Variants in CNTLN observed in about 807,000 individuals in gnomAD.
The protein encoded by CNTLN is centlein.
CNTLN carries 212 observed loss-of-function variants against 180.0 expected under a neutral mutation model. The observed-to-expected ratio is 1.18, with a 90% CI of 1.05 to 1.32. The LOEUF (loss-of-function observed/expected upper bound fraction) is 1.32, where lower values mean the gene tolerates loss of function less well. Among genes scored for constraint, CNTLN ranks in the 40% most tolerant of loss-of-function variants. The pLI is 0.00. For missense variants in CNTLN, 2,095 were observed against 1,610.9 expected (o/e 1.30, Z -5.14); for synonymous variants, 722 against 563.1 (o/e 1.28, Z -3.99).
At position 17,135,041 on chromosome 9, in the gene CNTLN, A is replaced by G. The variant is rs554253415; in HGVS notation, c.-25A>G. 1.3e-6 allele frequency: 2 copies of G among 1,584,288 alleles called. No individual in the cohort carries two copies. Among genetic ancestry groups the G allele is most frequent in the African/African-American group, 1.3e-5 (1 of 74,726 alleles). On this transcript the variant is annotated 5_prime_UTR_variant, in exon 1 of 26. Transcript: ENST00000380647. ...AGGGAGGTGGAGTTTCCAACAGGGAACTTGACCCGTTAGCAGCCGCAGCCA... is the reference window on the plus strand; with the variant it reads ...AGGGAGGTGGAGTTTCCAACAGGGAGCTTGACCCGTTAGCAGCCGCAGCCA...
chr9:17,203,617 C>T (rs200968598), intron 2 of CNTLN, among the ~76,000 whole-genome samples: 6 of 152,024 alleles, frequency 3.9e-5, no homozygotes, highest in Non-Finnish European at 8.8e-5. Context: ...AGTGCAGTGG[C>T]GCGATCTCGG....
the CNTLN span, among the ~76,000 whole-genome samples, chr9:17,518,036 C>T: frequency 1.0e-4 from 7 of 69,238 alleles, no homozygotes; most frequent in East Asian, 4.9e-4. Flanking sequence ...TTTTCTTTTC[C>T]TTTTTTTTTT....
rs148997122 is a variant in CNTLN, at chr9:17,393,633, C to G, written c.2080-901C>G. Reference sequence around the variant, plus strand: ...ATAATTGTTGGTTCTACATACCTCACGTTTTGAGATGGTCAGAAGAGATCA... The same window carrying G: ...ATAATTGTTGGTTCTACATACCTCAGGTTTTGAGATGGTCAGAAGAGATCA... On this transcript the variant is annotated intron_variant, in intron 14 of 25. Transcript: ENST00000380647. Among the ~76,000 whole-genome samples the G allele has an allele frequency of 1.6e-3, 238 of 152,236 alleles. 1 individual carries two copies. Among genetic ancestry groups the G allele is most frequent in the African/African-American group, 5.4e-3 (223 of 41,532 alleles).
intron 18 of CNTLN, among the ~76,000 whole-genome samples, chr9:17,429,824 A>G (rs983070687): frequency 4.6e-5 from 7 of 151,968 alleles, no homozygotes; most frequent in Admixed American, 1.3e-4. Flanking sequence ...CCTTTTAAGT[A>G]TAGTAGAATT....
chr9:17,483,602 T>C (rs988442228), intron 23 of CNTLN, among the ~76,000 whole-genome samples: 8 of 152,200 alleles, frequency 5.3e-5, no homozygotes, highest in Admixed American at 3.9e-4. Flanking sequence ...AAGCACTCTG[T>C]CCAACCAAAT....
chr9:17,340,001 TA>T (rs954716436), intron 10 of CNTLN, among the ~76,000 whole-genome samples: 1 of 151,610 alleles, frequency 6.6e-6, no homozygotes, highest in Non-Finnish European at 1.5e-5. Context: ...AAAAATAAAA[TA>T]AAAAATTGGC....
chr9:17,202,646 GTTTTTTTTTTTTT>G (rs57960408), intron 2 of CNTLN, among the ~76,000 whole-genome samples: 2 of 71,486 alleles, frequency 2.8e-5, no homozygotes, highest in African/African-American at 5.3e-5. Context: ...TGCAACCTCT[GTTTTTTTTTTTTT>G]TTTTTTTTTT....
At chr9:17,511,823 G>A in the CNTLN span, among the ~76,000 whole-genome samples, 1 of 152,126 alleles carries the variant, frequency 6.6e-6, no homozygotes, top group South Asian at 2.1e-4. Flanking sequence ...GGCTACTGGG[G>A]AAATTGCCTT....
At chr9:17,281,703 T>G (rs1216687942) in intron 6 of CNTLN, among the ~76,000 whole-genome samples, 1 of 152,190 alleles carries the variant, frequency 6.6e-6, no homozygotes, top group Non-Finnish European at 1.5e-5. Context: ...GCATTTGGGT[T>G]GATTCAATGT....
chr9:17,135,079 C>T lies in CNTLN; in HGVS notation c.14C>T (p.Ser5Leu). ...GCAGCCGCAGCCATGGCGGCGCGTT[C>T]GCCTCCCTCACCGCACCCTTCGCCC... is the stretch of plus-strand genomic sequence containing the variant. MAAR[S>L]PPSPHPSPPA... The change falls in exon 1 of 26, where the codon TCG becomes TTG. Residue 5 changes from serine to leucine, a missense_variant. Physicochemically the swap from Ser to Leu is moderately radical, Grantham distance 145 (BLOSUM62 -2). Transcript: ENST00000380647. 1 of 1,598,856 alleles carries T rather than the reference C, an allele frequency of 6.3e-7. No homozygotes were observed. Among genetic ancestry groups the T allele is most frequent in the Non-Finnish European group, 8.5e-7 (1 of 1,176,076 alleles).
intron 15 of CNTLN, among the ~76,000 whole-genome samples, chr9:17,408,860 A>T (rs924307538): frequency 1.3e-5 from 2 of 151,598 alleles, no homozygotes; most frequent in African/African-American, 4.8e-5. Flanking sequence ...TTATTCAGTG[A>T]TAAATAGCCA....
At chr9:17,391,538 A>G (rs1442523) in intron 14 of CNTLN, among the ~76,000 whole-genome samples, 74,484 of 151,790 alleles carry the variant, frequency 0.49, 19,663 homozygotes, top group Non-Finnish European at 0.59. Context: ...CTGAGCCCCA[A>G]CGTATGTAAA....
intron 5 of CNTLN, among the ~76,000 whole-genome samples, chr9:17,253,761 G>GTTTTTTTT (rs60517986): frequency 7.0e-6 from 1 of 142,690 alleles, no homozygotes. Flanking sequence ...CTTTTCTATT[G>GTTTTTTTT]TTTTTTTTTT....
At chr9:17,278,439 T>A (rs2132557266) in intron 6 of CNTLN, among the ~76,000 whole-genome samples, 1 of 151,864 alleles carries the variant, frequency 6.6e-6, no homozygotes, top group East Asian at 1.9e-4. Flanking sequence ...AGTCTTCTTG[T>A]CCCAGAGTGT....
chr9:17,372,962 C>T (rs7874453), intron 13 of CNTLN, among the ~76,000 whole-genome samples: 87,022 of 151,942 alleles, frequency 0.57, 25,315 homozygotes, highest in East Asian at 0.73. Flanking sequence ...AAACTGGTTT[C>T]ATTGGAACAA....
At chr9:17,494,896 T>TTG in intron 25 of CNTLN, 1 of 385,206 alleles carries the variant, frequency 2.6e-6, no homozygotes, top group South Asian at 2.0e-5. Context: ...TTTTTTTTTT[T>TTG]TTGGTCACAG....
chr9:17,137,407 C>T (rs79116087), intron 1 of CNTLN, among the ~76,000 whole-genome samples: 6,711 of 152,216 alleles, frequency 0.044, 201 homozygotes, highest in Non-Finnish European at 0.066. Flanking sequence ...TTAAAGTATA[C>T]TCTCCCGCTT....
At chr9:17,340,741 A>G (rs2133203634) in intron 10 of CNTLN, 86 bp from the exon 11 acceptor site, 3 of 1,158,832 alleles carry the variant, frequency 2.6e-6, no homozygotes, top group East Asian at 2.9e-5. Context: ...TTCAAATTTC[A>G]TATTTAGATG....
At chr9:17,435,139 T>G (rs1465689546) in intron 18 of CNTLN, among the ~76,000 whole-genome samples, 2 of 152,184 alleles carry the variant, frequency 1.3e-5, no homozygotes, top group African/African-American at 2.4e-5. Flanking sequence ...AATAATCAAT[T>G]ACTCTTGGCT....
Sources: allele counts gnomAD v4.1 joint callset (sites outside exome capture counted in the v4.1 genomes callset), GRCh38; gene constraint gnomAD v4.1.1; transcripts MANE v1.5; gene names NCBI Gene and HGNC (gene_info 2026-07-23, HGNC 2026-07-21).